TMPRSS9: variants seen among roughly 807,000 people sequenced by gnomAD.
TMPRSS9 encodes the protein transmembrane serine protease 9, also known as transmembrane protease serine 9.
Under a neutral mutation model 111.4 loss-of-function variants are expected in TMPRSS9, and 113 were observed. That is an observed-to-expected ratio of 1.01 (90% CI 0.87 to 1.19). TMPRSS9 has a LOEUF of 1.19. Ranked by LOEUF, TMPRSS9 falls within the 50% of genes most tolerant of loss-of-function variation. TMPRSS9 has a pLI of 0.00. For synonymous variants in TMPRSS9, 805 were observed against 659.1 expected, an observed-to-expected ratio of 1.22 and a Z score of -3.39; for missense variants, 1,803 against 1,513.1, an observed-to-expected ratio of 1.19 and a Z score of -3.18.
chr19:2,367,694 G>T (rs971088724), intron 1 of TMPRSS9, among the ~76,000 whole-genome samples: 19 of 151,944 alleles, frequency 1.3e-4, no homozygotes, highest in African/African-American at 4.4e-4. Context: ...CTCCCAAGTA[G>T]CTGGGACTAC....
chr19:2,397,579 G>A (rs938712860), intron 2 of TMPRSS9, among the ~76,000 whole-genome samples: 4 of 152,026 alleles, frequency 2.6e-5, no homozygotes, highest in African/African-American at 7.2e-5. Flanking sequence ...CATTTTATTC[G>A]AAGAGAAACA....
intron 8 of TMPRSS9, among the ~76,000 whole-genome samples, chr19:2,410,024 G>A (rs1057063369): frequency 2.0e-5 from 3 of 152,102 alleles, no homozygotes; most frequent in African/African-American, 7.2e-5. Flanking sequence ...AGGGAGATGA[G>A]GACCTCGGGC....
chr19:2,362,916 ATGTGTTGTGTGTGGTTG>A (rs932197422), intron 1 of TMPRSS9, among the ~76,000 whole-genome samples: 4 of 149,430 alleles, frequency 2.7e-5, no homozygotes, highest in African/African-American at 7.4e-5. Flanking sequence ...GTGTGTGGTA[ATGTGTTGTGTGTGGTTG>A]TGTGTTGTGT....
intron 11 of TMPRSS9, 80 bp from the exon 13 acceptor site, chr19:2,416,458 G>A: frequency 1.3e-6 from 2 of 1,520,794 alleles, no homozygotes; most frequent in East Asian, 2.3e-5. Flanking sequence ...CTTCCTGGGG[G>A]TGTGCATCAG....
intron 10 of TMPRSS9, 44 bp downstream of exon 11, chr19:2,414,062 C>A (rs748911520): frequency 1.4e-6 from 2 of 1,476,836 alleles, no homozygotes; most frequent in East Asian, 2.5e-5. Flanking sequence ...ACGTGCCTAT[C>A]TTGATTTAGG....
chr19:2,410,197 C>G lies in TMPRSS9; in HGVS notation c.1118-61C>G, dbSNP rs992337485. ...GAGGAGCTGTCCTTCAGCCTCCCAG[C>G]TCAAAGTGGCTGCCAGGGCTCCGGC... is the stretch of plus-strand genomic sequence containing the variant. On this transcript the variant is annotated intron_variant, in intron 8 of 17. Coordinates refer to ENST00000648592, the Ensembl canonical transcript of TMPRSS9. 2.2e-5 allele frequency: 35 copies of G among 1,599,556 alleles called. No homozygotes were observed. In the African/African-American group the frequency reaches 4.0e-4, roughly 18 times the overall value.
At chr19:2,365,074 C>T (rs2145237922) in intron 1 of TMPRSS9, among the ~76,000 whole-genome samples, 1 of 152,048 alleles carries the variant, frequency 6.6e-6, no homozygotes, top group South Asian at 2.1e-4. Context: ...TCCAGGATCC[C>T]ACATTGCATT....
At chr19:2,415,959 C>T in intron 11 of TMPRSS9, 118 bp downstream of exon 12, 3 of 1,213,194 alleles carry the variant, frequency 2.5e-6, no homozygotes, top group Non-Finnish European at 3.3e-6. Flanking sequence ...AGCCCTTCCT[C>T]TCCTGAGGGC....
chr19:2,406,541 G>C (rs1970974088), intron 7 of TMPRSS9, among the ~76,000 whole-genome samples: 1 of 148,716 alleles, frequency 6.7e-6, no homozygotes, highest in Non-Finnish European at 1.5e-5. Context: ...CGCCATGTTG[G>C]CCAGGCTGGT....
intron 1 of TMPRSS9, among the ~76,000 whole-genome samples, chr19:2,361,459 G>A (rs186862554): frequency 2.0e-5 from 3 of 152,090 alleles, no homozygotes; most frequent in Admixed American, 2.0e-4. Flanking sequence ...CACCCTCGGA[G>A]CCGCTTCTGA....
Position 2,413,816 on chromosome 19 carries a change from A to T in TMPRSS9, c.1371A>T (p.Arg457=), listed in dbSNP as rs140698541. ...CCCGGCGTCCAGGGGTCTATGCCCG[A>T]GTCACCAGGCTACGTGACTGGATCC... The change falls in exon 10 of 18, where the codon CGA becomes CGT. Residue 457 remains arginine, a synonymous_variant. Transcript: ENST00000648592. The T allele has an allele frequency of 9.4e-5, 152 of 1,613,778 alleles. No homozygotes were observed. The South Asian group carries it at 1.4e-3, about 15-fold the overall frequency.
intron 9 of TMPRSS9, among the ~76,000 whole-genome samples, chr19:2,411,298 T>G (rs1971088968): frequency 7.8e-5 from 1 of 12,858 alleles, no homozygotes; most frequent in African/African-American, 3.5e-4. Flanking sequence ...AGACTCTGTC[T>G]CAAAAAAAAA....
chr19:2,415,560 T>C (rs905068270), intron 10 of TMPRSS9, 110 bp from the exon 12 acceptor site: 3 of 1,033,220 alleles, frequency 2.9e-6, no homozygotes, highest in Non-Finnish European at 4.0e-6. Flanking sequence ...CGGGAGGGAT[T>C]GCGGCATCTT....
At chr19:2,406,764 ATTCAC>A (rs1970978465) in intron 7 of TMPRSS9, among the ~76,000 whole-genome samples, 1 of 147,018 alleles carries the variant, frequency 6.8e-6, no homozygotes, top group African/African-American at 2.5e-5. Flanking sequence ...CATTTTTTGC[ATTCAC>A]TTTGATTTTT....
At chr19:2,405,491 G>C in exon 7 of TMPRSS9, 11 of 1,605,318 alleles carry the variant, frequency 6.9e-6, no homozygotes, top group Non-Finnish European at 9.3e-6. Flanking sequence ...CACTTCTGTG[G>C]GGCCGCCATC....
chr19:2,412,818 C>G (rs940149419), intron 9 of TMPRSS9, among the ~76,000 whole-genome samples: 3 of 152,118 alleles, frequency 2.0e-5, no homozygotes, highest in African/African-American at 7.2e-5. Flanking sequence ...ATGGGAGAGA[C>G]TGCTACATGT....
At chr19:2,421,971 A>G in exon 14 of TMPRSS9, 1 of 1,613,208 alleles carries the variant, frequency 6.2e-7, no homozygotes, top group Non-Finnish European at 8.5e-7. Context: ...GTACACGCGC[A>G]TCACCAGGCT....
chr19:2,412,018 A>G (rs986482637), intron 9 of TMPRSS9, among the ~76,000 whole-genome samples: 1 of 152,018 alleles, frequency 6.6e-6, no homozygotes, highest in Non-Finnish European at 1.5e-5. Flanking sequence ...TTTGTGGTTA[A>G]CTGTATTTCA....
chr19:2,424,988 C>A lies in TMPRSS9; in HGVS notation c.2718-14C>A. 6.6e-7 allele frequency: 1 copy of A among 1,504,602 alleles called. No homozygotes were observed. Among genetic ancestry groups the A allele is most frequent in the East Asian group, 2.6e-5 (1 of 38,322 alleles). 93.2% of individuals were successfully genotyped at this position (1,504,602 alleles called of 1,614,324 possible). On this transcript the variant is annotated splice_polypyrimidine_tract_variant and intron_variant, in intron 15 of 17. Coordinates refer to ENST00000648592, the Ensembl canonical transcript of TMPRSS9. ...GGGGGCTCGGGCCGACGCCTGTCCT[C>A]GCGCGCCCCGCAGCTACGGGGACCC...
Sources: allele counts gnomAD v4.1 joint callset (sites outside exome capture counted in the v4.1 genomes callset), GRCh38; gene constraint gnomAD v4.1.1; transcripts MANE v1.5; gene names NCBI Gene and HGNC (gene_info 2026-07-23, HGNC 2026-07-21).